MMP16: variants seen among roughly 807,000 people sequenced by gnomAD.
MMP16 encodes the protein matrix metallopeptidase 16.
In MMP16, 12 loss-of-function variants were observed where a neutral mutation model predicts 67.8. The observed-to-expected ratio is 0.18, with a 90% CI of 0.11 to 0.29. MMP16 has a LOEUF of 0.29. MMP16 is among the 10% of genes least tolerant of loss of function. The pLI is 1.00. For missense variants in MMP16, 475 were observed against 765.7 expected (o/e 0.62, Z 4.48); for synonymous variants, 249 against 255.9 (o/e 0.97, Z 0.26).
At chr8:88,075,378 T>C (rs892140211) in intron 6 of MMP16, among the ~76,000 whole-genome samples, 1 of 152,296 alleles carries the variant, frequency 6.6e-6, no homozygotes, top group East Asian at 1.9e-4. Context: ...CATCCAATCA[T>C]AGCACAAGTC....
intron 6 of MMP16, among the ~76,000 whole-genome samples, chr8:88,107,108 T>G (rs1246430838): frequency 6.6e-6 from 1 of 151,198 alleles, no homozygotes; most frequent in African/African-American, 2.4e-5. Flanking sequence ...TCCCTGACTC[T>G]ATTCTGTTCA....
chr8:88,071,104 A>G (rs1441693890), intron 7 of MMP16, among the ~76,000 whole-genome samples: 1 of 152,138 alleles, frequency 6.6e-6, no homozygotes, highest in Non-Finnish European at 1.5e-5. Flanking sequence ...ATGTGCACAT[A>G]TAATTTTGCC....
intron 3 of MMP16, among the ~76,000 whole-genome samples, chr8:88,178,185 A>G (rs1291140742): frequency 6.6e-6 from 1 of 152,206 alleles, no homozygotes; most frequent in Non-Finnish European, 1.5e-5. Context: ...CTTGCTTTGC[A>G]AAAGGGAAGA....
intron 1 of MMP16, among the ~76,000 whole-genome samples, chr8:88,254,469 AG>A (rs1810272366): frequency 6.6e-6 from 1 of 151,814 alleles, no homozygotes; most frequent in South Asian, 2.1e-4. Context: ...AAAGTTAAAA[AG>A]GAAAAAAAAA....
chr8:88,091,859 G>A (rs1380966111), intron 6 of MMP16, among the ~76,000 whole-genome samples: 2 of 151,794 alleles, frequency 1.3e-5, no homozygotes, highest in African/African-American at 4.8e-5. Flanking sequence ...GTGCTTAATA[G>A]CAGCCTTTTG....
chr8:88,223,302 A>G (rs1030535660), intron 1 of MMP16, among the ~76,000 whole-genome samples: 1 of 152,150 alleles, frequency 6.6e-6, no homozygotes, highest in Non-Finnish European at 1.5e-5. Flanking sequence ...TCAAGGATCT[A>G]GAACTAGAAA....
Position 88,166,442 on chromosome 8 carries a change from T to G in MMP16, c.709+1227A>C, listed in dbSNP as rs181379865. The stretch of plus-strand genomic sequence containing the variant: ...TTGACTAGGAAGAAACACATGCCTC[T>G]TATATTAAGTAACCACTCTCATATT... On this transcript the variant is annotated intron_variant, in intron 4 of 9. Transcript: ENST00000286614. Among the ~76,000 whole-genome samples, 1,187 of 151,898 alleles carry G rather than the reference T, an allele frequency of 7.8e-3. 16 individuals are homozygous for G. The highest frequency in any genetic ancestry group is 0.072 in the Middle Eastern group (21 of 290).
chr8:88,164,105 AG>A (rs1808674505), intron 4 of MMP16, among the ~76,000 whole-genome samples: 1 of 152,100 alleles, frequency 6.6e-6, no homozygotes, highest in Admixed American at 6.6e-5. Context: ...ATCTCTTTTA[AG>A]GTAGATAGAA....
intron 2 of MMP16, 36 bp downstream of exon 2, chr8:88,197,122 G>C: frequency 6.3e-7 from 1 of 1,596,126 alleles, no homozygotes; most frequent in Non-Finnish European, 8.5e-7. Flanking sequence ...TTGGCTCAAG[G>C]ACCAAAAAGA....
chr8:88,277,277 T>C (rs1002165210), intron 1 of MMP16, among the ~76,000 whole-genome samples: 9 of 152,194 alleles, frequency 5.9e-5, no homozygotes, highest in Non-Finnish European at 1.3e-4. Context: ...TGCATCTCGC[T>C]TATATATTTA....
rs373575438 is a variant in MMP16 at position 88,051,678 on chromosome 8, A to G, written c.1373+4450T>C. Among the ~76,000 whole-genome samples the G allele has an allele frequency of 1.4e-4, 21 of 152,286 alleles. No individual in the cohort carries two copies. In the South Asian group the frequency reaches 3.5e-3, roughly 26 times the overall value. On this transcript the variant is annotated intron_variant, in intron 8 of 9. Coordinates refer to ENST00000286614, the MANE Select transcript of MMP16 (RefSeq NM_005941.5). Reference sequence around the variant, plus strand: ...CATAACACTTAAGCTGGAAGAAATAAACGTATTTTTCTATTTGACTGTTAG... The same window carrying G: ...CATAACACTTAAGCTGGAAGAAATAGACGTATTTTTCTATTTGACTGTTAG...
chr8:88,154,218 C>T (rs1808464544), intron 4 of MMP16, among the ~76,000 whole-genome samples: 2 of 122,546 alleles, frequency 1.6e-5, no homozygotes, highest in South Asian at 3.2e-4. Flanking sequence ...CAGGAAACAA[C>T]AGGTGCTGGA....
intron 7 of MMP16, among the ~76,000 whole-genome samples, chr8:88,063,328 C>T (rs948230978): frequency 1.2e-4 from 19 of 152,086 alleles, no homozygotes; most frequent in African/African-American, 3.9e-4. Context: ...TGTCAGTCAA[C>T]CAGGAGCTGC....
At chr8:88,156,796 T>C (rs1015432369) in intron 4 of MMP16, among the ~76,000 whole-genome samples, 1 of 152,016 alleles carries the variant, frequency 6.6e-6, no homozygotes, top group Non-Finnish European at 1.5e-5. Flanking sequence ...GATGTCTAGA[T>C]TTAAAGACAA....
intron 4 of MMP16, among the ~76,000 whole-genome samples, chr8:88,119,309 G>A (rs1343312254): frequency 6.6e-6 from 1 of 152,022 alleles, no homozygotes; most frequent in African/African-American, 2.4e-5. Context: ...GCATGAAGAT[G>A]ACAAGTCTTG....
intron 3 of MMP16, among the ~76,000 whole-genome samples, chr8:88,182,115 C>T (rs1808990517): frequency 6.6e-6 from 1 of 151,902 alleles, no homozygotes; most frequent in South Asian, 2.1e-4. Flanking sequence ...TAACATACAA[C>T]GCCAAAAGCA....
chr8:88,044,096 G>C (rs1200530584), intron 9 of MMP16, among the ~76,000 whole-genome samples: 1 of 152,170 alleles, frequency 6.6e-6, no homozygotes, highest in Non-Finnish European at 1.5e-5. Context: ...ACATTTTATA[G>C]TAACACACTC....
At chr8:88,072,199 AAG>A (rs1360839132) in intron 7 of MMP16, among the ~76,000 whole-genome samples, 1 of 151,970 alleles carries the variant, frequency 6.6e-6, no homozygotes, top group Non-Finnish European at 1.5e-5. Context: ...AAGGGCTATA[AAG>A]AGAGAGAGTC....
At chr8:88,286,470 A>C (rs1251733005) in intron 1 of MMP16, among the ~76,000 whole-genome samples, 1 of 152,190 alleles carries the variant, frequency 6.6e-6, no homozygotes, top group Non-Finnish European at 1.5e-5. Flanking sequence ...CTCAAACTCC[A>C]TATGTTCCAA....
Sources: gnomAD v4.1 joint callset for allele counts (sites outside exome capture counted in the v4.1 genomes callset) on GRCh38, gnomAD v4.1.1 for gene constraint, MANE v1.5 for transcripts, NCBI Gene and HGNC (gene_info 2026-07-23, HGNC 2026-07-21) for gene names.